LTBP1: variants seen among roughly 807,000 people sequenced by gnomAD.
LTBP1 encodes latent transforming growth factor beta binding protein 1, also known as latent-transforming growth factor beta-binding protein 1.
LTBP1 carries 129 observed loss-of-function variants against 207.6 expected under a neutral mutation model. The observed-to-expected ratio is 0.62, with a 90% CI of 0.54 to 0.72. The LOEUF is 0.72. Ranked by LOEUF, LTBP1 falls within the 30% of genes least tolerant of loss-of-function variation. The pLI is 0.00. For synonymous variants in LTBP1, 963 were observed against 833.7 expected (o/e 1.16, Z -2.67); for missense variants, 2,281 against 2,217.2 (o/e 1.03, Z -0.58).
At chr2:33,158,148 C>CAAAAAAAA (rs59789805) in intron 5 of LTBP1, among the ~76,000 whole-genome samples, 1 of 113,896 alleles carries the variant, frequency 8.8e-6, no homozygotes, top group Non-Finnish European at 1.7e-5. Flanking sequence ...AAAAAAAAAA[C>CAAAAAAAA]AAAAAAAAAA....
intron 4 of LTBP1, among the ~76,000 whole-genome samples, chr2:33,119,920 G>C (rs560901664): frequency 6.6e-6 from 1 of 152,208 alleles, no homozygotes; most frequent in South Asian, 2.1e-4. Flanking sequence ...GTTATTTTCT[G>C]TGATTTTAGT....
intron 3 of LTBP1, among the ~76,000 whole-genome samples, chr2:33,055,752 C>G (rs1168418405): frequency 6.6e-6 from 1 of 152,232 alleles, no homozygotes; most frequent in Non-Finnish European, 1.5e-5. Context: ...CTGCCTTCAT[C>G]TGCTTTAAAT....
chr2:33,353,870 T>C lies in LTBP1; in HGVS notation c.4000+6360T>C, dbSNP rs2094817968. On this transcript the variant is annotated intron_variant, in intron 26 of 33. Transcript: ENST00000404816. ...TTTGTGCATGTACGCCTTTTTTTTT[T>C]TTTTTTTGAGACTGAGTCTCTCTCT... 2.0e-5 allele frequency among the ~76,000 whole-genome samples: 3 copies of C among 151,242 alleles called. No homozygotes were observed. The South Asian group carries it at 6.3e-4, about 32-fold the overall frequency.
chr2:33,340,163 C>T (rs1051583078), intron 24 of LTBP1, among the ~76,000 whole-genome samples: 9 of 148,972 alleles, frequency 6.0e-5, no homozygotes, highest in African/African-American at 2.2e-4. Context: ...GAGACTGAGG[C>T]AGGAGAATGA....
At chr2:33,328,166 T>A (rs867252962) in intron 24 of LTBP1, among the ~76,000 whole-genome samples, 1 of 146,188 alleles carries the variant, frequency 6.8e-6, no homozygotes, top group Non-Finnish European at 1.5e-5. Flanking sequence ...AATAAATAAA[T>A]AAAATAAAAA....
chr2:33,191,405 T>G (rs1298612257), intron 7 of LTBP1, among the ~76,000 whole-genome samples: 1 of 152,230 alleles, frequency 6.6e-6, no homozygotes, highest in Non-Finnish European at 1.5e-5. Flanking sequence ...AATTCTTAAT[T>G]CATTTTGCAT....
intron 9 of LTBP1, among the ~76,000 whole-genome samples, chr2:33,240,645 CT>C (rs869193074): frequency 2.9e-3 from 293 of 100,804 alleles, no homozygotes; most frequent in South Asian, 0.014. Flanking sequence ...TGGAAACATT[CT>C]TTTTTTTTTT....
intron 2 of LTBP1, among the ~76,000 whole-genome samples, chr2:32,998,182 G>A (rs555687060): frequency 6.6e-6 from 1 of 152,210 alleles, no homozygotes; most frequent in African/African-American, 2.4e-5. Context: ...CTCTGTTTTT[G>A]AAAGCTCCCC....
At chr2:33,184,607 A>G (rs930938590) in intron 5 of LTBP1, among the ~76,000 whole-genome samples, 1 of 152,114 alleles carries the variant, frequency 6.6e-6, no homozygotes, top group Non-Finnish European at 1.5e-5. Flanking sequence ...TATATTTCAT[A>G]CTTTCCAGTT....
At chr2:32,971,398 GC>G (rs775555406) in intron 2 of LTBP1, among the ~76,000 whole-genome samples, 2 of 152,074 alleles carry the variant, frequency 1.3e-5, no homozygotes, top group Non-Finnish European at 2.9e-5. Context: ...TCCAGCTTTT[GC>G]CCATTCAGGA....
intron 3 of LTBP1, among the ~76,000 whole-genome samples, chr2:33,021,410 C>T (rs930541341): frequency 1.3e-5 from 2 of 152,102 alleles, no homozygotes; most frequent in African/African-American, 4.8e-5. Context: ...TTAGCCTCTG[C>T]AGGAAATTTT....
intron 5 of LTBP1, among the ~76,000 whole-genome samples, chr2:33,169,122 C>A (rs1238614751): frequency 6.6e-6 from 1 of 152,092 alleles, no homozygotes; most frequent in African/African-American, 2.4e-5. Context: ...GAATTTATTC[C>A]TTTTGGCATT....
At chr2:32,995,295 G>A (rs755478375) in intron 2 of LTBP1, among the ~76,000 whole-genome samples, 6 of 152,104 alleles carry the variant, frequency 3.9e-5, no homozygotes, top group African/African-American at 1.4e-4. Context: ...GAACTAATGT[G>A]CATAGGAATC....
intron 3 of LTBP1, among the ~76,000 whole-genome samples, chr2:33,051,880 C>T (rs1192220944): frequency 2.6e-5 from 4 of 152,222 alleles, no homozygotes; most frequent in Admixed American, 2.0e-4. Flanking sequence ...AACCCAAAGA[C>T]ATAGGCACAT....
At position 33,320,426 on chromosome 2, in the gene LTBP1, C is replaced by T. The variant is rs2094338207; in HGVS notation, c.3730+5157C>T. Among the ~76,000 whole-genome samples the T allele has an allele frequency of 2.0e-5, 3 of 149,474 alleles. No individual in the cohort carries two copies. The South Asian group carries it at 6.3e-4, about 32-fold the overall frequency. On this transcript the variant is annotated intron_variant, in intron 24 of 33. Coordinates refer to ENST00000404816, the MANE Select transcript of LTBP1 (RefSeq NM_206943.4). The stretch of plus-strand genomic sequence containing the variant: ...AAAAAAAAAAAGAAAAGGTAGAGCA[C>T]AATATGGGGGACCTGAAGGGTAGAG...
intron 2 of LTBP1, among the ~76,000 whole-genome samples, chr2:32,992,856 G>A (rs1200063049): frequency 6.6e-6 from 1 of 152,150 alleles, no homozygotes; most frequent in Non-Finnish European, 1.5e-5. Flanking sequence ...GAAGGTGTGC[G>A]TGGCAGTGCT....
At chr2:33,044,226 T>C (rs2076334748) in intron 3 of LTBP1, among the ~76,000 whole-genome samples, 1 of 152,070 alleles carries the variant, frequency 6.6e-6, no homozygotes, top group South Asian at 2.1e-4. Context: ...CAACCTGTCA[T>C]CTACATTAGG....
chr2:33,140,675 T>C (rs2082578257), intron 5 of LTBP1, among the ~76,000 whole-genome samples: 1 of 150,734 alleles, frequency 6.6e-6, no homozygotes, highest in African/African-American at 2.4e-5. Flanking sequence ...ATTAATTTTT[T>C]TTTTTTTTTG....
At chr2:33,295,597 C>T (rs115490374) in intron 20 of LTBP1, among the ~76,000 whole-genome samples, 4 of 152,148 alleles carry the variant, frequency 2.6e-5, no homozygotes, top group Non-Finnish European at 5.9e-5. Context: ...TTTGGTGGTA[C>T]ACTGTTGTAA....
Sources: allele counts gnomAD v4.1 joint callset (sites outside exome capture counted in the v4.1 genomes callset), GRCh38; gene constraint gnomAD v4.1.1; transcripts MANE v1.5; gene names NCBI Gene and HGNC (gene_info 2026-07-23, HGNC 2026-07-21).